Variants in SGK1 observed in about 807,000 individuals in gnomAD.
SGK1 encodes the protein serine/threonine-protein kinase Sgk1.
In SGK1, 26 loss-of-function variants were observed where a neutral mutation model predicts 64.2. The observed-to-expected ratio is 0.40, with a 90% CI of 0.30 to 0.56. The LOEUF (loss-of-function observed/expected upper bound fraction) is 0.56, where lower values mean the gene tolerates loss of function less well. SGK1 is among the 20% of genes least tolerant of loss of function. SGK1 has a pLI of 0.38. For synonymous variants in SGK1, 265 were observed against 239.7 expected (o/e 1.11, Z -0.98); for missense variants, 519 against 645.6 (o/e 0.80, Z 2.12).
chr6:134,304,292 A>G (rs1777501921), intron 1 of SGK1, among the ~76,000 whole-genome samples: 2 of 152,236 alleles, frequency 1.3e-5, no homozygotes. Flanking sequence ...GCTTTTGCTC[A>G]TCAAATTCTG....
At chr6:134,173,710 T>C in intron 5 of SGK1, 144 bp from the exon 6 acceptor site, 1 of 641,490 alleles carries the variant, frequency 1.6e-6, no homozygotes, top group Non-Finnish European at 2.6e-6. Flanking sequence ...CTACATTTCA[T>C]CACATTTCAA....
intron 4 of SGK1, 161 bp downstream of exon 4, chr6:134,174,350 T>C: frequency 1.6e-6 from 1 of 630,436 alleles, no homozygotes. Flanking sequence ...GCAAATTAAC[T>C]TTAATGTTTA....
At chr6:134,175,618 G>T (rs1176506699) in intron 3 of SGK1, 2 of 1,542,986 alleles carry the variant, frequency 1.3e-6, no homozygotes, top group African/African-American at 2.8e-5. Context: ...CCGCAGCAGG[G>T]ACTCGAGCCG....
chr6:134,214,958 C>T (rs1053574198), intron 2 of SGK1: 6 of 416,932 alleles, frequency 1.4e-5, no homozygotes, highest in East Asian at 7.1e-5. Context: ...AGAAGGTAAC[C>T]GTTGAATGTT....
intron 3 of SGK1, among the ~76,000 whole-genome samples, chr6:134,206,366 TATATATATATATATATA>T (rs1459982525): frequency 0.025 from 211 of 8,496 alleles, no homozygotes; most frequent in African/African-American, 0.062. Context: ...TATATATATA[TATATATATATATATATA>T]TTTTTTTTTT....
At chr6:134,312,922 G>C (rs1777627234) in intron 1 of SGK1, among the ~76,000 whole-genome samples, 1 of 152,042 alleles carries the variant, frequency 6.6e-6, no homozygotes, top group Admixed American at 6.6e-5. Flanking sequence ...ATGGGCGCCT[G>C]CCATCACACC....
intron 2 of SGK1, among the ~76,000 whole-genome samples, chr6:134,252,241 G>A (rs188376796): frequency 2.6e-5 from 4 of 152,218 alleles, no homozygotes; most frequent in Admixed American, 2.6e-4. Context: ...ACTCGAACAG[G>A]GGTGACCTCC....
intron 3 of SGK1, 54 bp downstream of exon 3, chr6:134,207,302 T>G: frequency 9.0e-7 from 1 of 1,116,998 alleles, no homozygotes; most frequent in Admixed American, 2.0e-5. Flanking sequence ...AGAGCTTTAC[T>G]ACAGAATGTA....
intron 1 of SGK1, among the ~76,000 whole-genome samples, chr6:134,271,916 A>G (rs1776945010): frequency 6.8e-6 from 1 of 146,814 alleles, no homozygotes; most frequent in African/African-American, 2.5e-5. Flanking sequence ...ATCTTGGCTC[A>G]CTGCAACCTC....
chr6:134,311,885 A>G (rs1405645437), intron 1 of SGK1, among the ~76,000 whole-genome samples: 1 of 152,102 alleles, frequency 6.6e-6, no homozygotes, highest in Non-Finnish European at 1.5e-5. Flanking sequence ...TCTAAAGCAG[A>G]CTTCAGATTT....
At chr6:134,309,540 G>A (rs1393855310) in intron 1 of SGK1, among the ~76,000 whole-genome samples, 1 of 152,162 alleles carries the variant, frequency 6.6e-6, no homozygotes, top group Non-Finnish European at 1.5e-5. Context: ...TCATTTCTGG[G>A]CCAGAAGGAT....
chr6:134,280,721 T>C (rs1172104498), intron 1 of SGK1, among the ~76,000 whole-genome samples: 1 of 152,198 alleles, frequency 6.6e-6, no homozygotes, highest in East Asian at 1.9e-4. Flanking sequence ...CAACACATAT[T>C]TGTTGTATTA....
chr6:134,261,759 C>T (rs1776769066), intron 2 of SGK1, 174 bp downstream of exon 2: 1 of 638,190 alleles, frequency 1.6e-6, no homozygotes, highest in Non-Finnish European at 2.8e-6. Flanking sequence ...ATAAAGCCTA[C>T]TTTAAAAAAA....
Position 134,317,531 on chromosome 6 carries a change from C to G in SGK1, c.-71G>C. Reference sequence around the variant, plus strand: ...GCCTGGTTAGTGCATATCTGTTTCCCCGGTTTACCTCCTGCAGACAGTTAA... The same window carrying G: ...GCCTGGTTAGTGCATATCTGTTTCCGCGGTTTACCTCCTGCAGACAGTTAA... On this transcript the variant is annotated 5_prime_UTR_variant, in exon 1 of 14. Coordinates refer to ENST00000367858, the MANE Select transcript of SGK1 (RefSeq NM_001143676.3). 1.1e-6 allele frequency: 1 copy of G among 897,790 alleles called. No individual in the cohort carries two copies. The highest frequency in any genetic ancestry group is 1.3e-5 in the South Asian group (1 of 76,556). 55.6% of individuals were successfully genotyped at this position (897,790 alleles called of 1,614,324 possible).
chr6:134,183,848 A>ACCCCAC (rs60810012), intron 3 of SGK1, among the ~76,000 whole-genome samples: 7,728 of 79,992 alleles, frequency 0.097, 196 homozygotes, highest in Middle Eastern at 0.16. Context: ...ACCTGTCCCC[A>ACCCCAC]CCCCACCCCC....
At chr6:134,293,270 G>A (rs1282658375) in intron 1 of SGK1, among the ~76,000 whole-genome samples, 1 of 152,160 alleles carries the variant, frequency 6.6e-6, no homozygotes, top group East Asian at 1.9e-4. Context: ...ACATTGCAAA[G>A]GAGTATTAGC....
chr6:134,172,358 T>C, intron 9 of SGK1, 42 bp from the exon 10 acceptor site: 1 of 1,578,716 alleles, frequency 6.3e-7, no homozygotes, highest in Non-Finnish European at 8.7e-7. Flanking sequence ...CAAGTTAATT[T>C]CACTTCATAA....
intron 3 of SGK1, among the ~76,000 whole-genome samples, chr6:134,193,317 C>A (rs1033072116): frequency 6.6e-6 from 1 of 152,148 alleles, no homozygotes; most frequent in African/African-American, 2.4e-5. Context: ...TATAAGGAAA[C>A]CAATTTCACC....
chr6:134,197,601 G>A (rs1350101977), intron 3 of SGK1, among the ~76,000 whole-genome samples: 1 of 151,872 alleles, frequency 6.6e-6, no homozygotes, highest in Non-Finnish European at 1.5e-5. Flanking sequence ...TGAAGCCAGT[G>A]GATCACTTGA....
Sources: gnomAD v4.1 joint callset for allele counts (sites outside exome capture counted in the v4.1 genomes callset) on GRCh38, gnomAD v4.1.1 for gene constraint, MANE v1.5 for transcripts, NCBI Gene and HGNC (gene_info 2026-07-23, HGNC 2026-07-21) for gene names.